The following PTPRK variants were observed in gnomAD, a reference collection of about 807,000 sequenced individuals.
PTPRK encodes protein tyrosine phosphatase receptor type K.
A neutral mutation model predicts 178.0 loss-of-function variants in PTPRK; 75 were observed. The ratio of observed to expected loss-of-function variants is 0.42; its 90% CI spans 0.35 to 0.51. The LOEUF (loss-of-function observed/expected upper bound fraction) is 0.51, where lower values mean the gene tolerates loss of function less well. Ranked by LOEUF, PTPRK falls within the 20% of genes least tolerant of loss-of-function variation. The pLI, the probability that PTPRK is intolerant of heterozygous loss-of-function variation, is 0.02. For missense variants in PTPRK, 1,441 were observed against 1,797.8 expected, an observed-to-expected ratio of 0.80 and a Z score of 3.59; for synonymous variants, 637 against 620.6, an observed-to-expected ratio of 1.03 and a Z score of -0.39.
chr6:128,462,131 AT>A (rs1412177233), intron 1 of PTPRK, among the ~76,000 whole-genome samples: 1 of 151,908 alleles, frequency 6.6e-6, no homozygotes, highest in African/African-American at 2.4e-5. Flanking sequence ...GCTTGGCTAG[AT>A]TTGTCAGTCT....
chr6:128,391,351 C>A (rs1239916589), intron 2 of PTPRK, among the ~76,000 whole-genome samples: 2 of 152,124 alleles, frequency 1.3e-5, no homozygotes, highest in Admixed American at 6.6e-5. Context: ...CATGTTCACA[C>A]ACACTCTCTT....
intron 1 of PTPRK, among the ~76,000 whole-genome samples, chr6:128,513,631 A>G (rs118104921): frequency 0.015 from 2,279 of 152,316 alleles, 26 homozygotes; most frequent in Non-Finnish European, 0.021. Context: ...TCATGTGACA[A>G]TCTTTTTAAA....
intron 7 of PTPRK, among the ~76,000 whole-genome samples, chr6:128,151,315 T>C (rs1040848158): frequency 2.0e-5 from 3 of 152,078 alleles, no homozygotes; most frequent in African/African-American, 7.2e-5. Flanking sequence ...TTTATGAATG[T>C]ATATTGCCAC....
intron 1 of PTPRK, among the ~76,000 whole-genome samples, chr6:128,514,881 A>G (rs1010438107): frequency 6.6e-6 from 1 of 152,234 alleles, no homozygotes; most frequent in African/African-American, 2.4e-5. Context: ...AGTTTTCATT[A>G]TTAAAATATT....
intron 1 of PTPRK, among the ~76,000 whole-genome samples, chr6:128,415,179 C>G (rs1436081272): frequency 6.6e-6 from 1 of 152,162 alleles, no homozygotes; most frequent in African/African-American, 2.4e-5. Flanking sequence ...AAAACACAGA[C>G]AGTCAAGAGC....
intron 2 of PTPRK, among the ~76,000 whole-genome samples, chr6:128,384,644 T>C (rs1838437349): frequency 6.6e-6 from 1 of 152,174 alleles, no homozygotes; most frequent in African/African-American, 2.4e-5. Context: ...ACAGATATTT[T>C]GAAAAGTTTA....
intron 1 of PTPRK, 41 bp downstream of exon 1, chr6:128,520,218 G>A: frequency 6.5e-7 from 1 of 1,532,580 alleles, no homozygotes. Context: ...CGTGAGCCCA[G>A]GACTCCAGGC....
chr6:128,225,688 CTA>C (rs1176625889), intron 5 of PTPRK, among the ~76,000 whole-genome samples: 1 of 151,704 alleles, frequency 6.6e-6, no homozygotes, highest in Non-Finnish European at 1.5e-5. Context: ...TTAAAAAATA[CTA>C]TGTTATTATT....
intron 7 of PTPRK, among the ~76,000 whole-genome samples, chr6:128,181,092 T>C (rs1461179925): frequency 2.0e-5 from 3 of 152,096 alleles, no homozygotes; most frequent in African/African-American, 7.2e-5. Context: ...ACTTCATATG[T>C]TGATTCTACA....
chr6:128,163,184 G>T (rs1243213434), intron 7 of PTPRK, among the ~76,000 whole-genome samples: 1 of 150,980 alleles, frequency 6.6e-6, no homozygotes, highest in African/African-American at 2.4e-5. Flanking sequence ...CATTCTCTTG[G>T]GTAGATTTAT....
At chr6:128,393,382 C>A (rs1254834154) in intron 2 of PTPRK, among the ~76,000 whole-genome samples, 6 of 152,222 alleles carry the variant, frequency 3.9e-5, no homozygotes, top group African/African-American at 1.4e-4. Flanking sequence ...AGCCACCACG[C>A]CCGGCTGTTC....
rs1456387930 is a variant in PTPRK, at chr6:128,439,740, AC to A, written c.101-42053del. On this transcript the variant is annotated intron_variant, in intron 1 of 29. Transcript: ENST00000368226. Reference sequence around the variant, plus strand: ...TGAAAATGCAGTTGCAAATAGATAGACTTCTAAACATCTGAATGGTTCCCAG... The same window carrying A: ...TGAAAATGCAGTTGCAAATAGATAGATTCTAAACATCTGAATGGTTCCCAG... Among the ~76,000 whole-genome samples, 5 of 152,322 alleles carry A rather than the reference AC, an allele frequency of 3.3e-5. 1 individual carries two copies. In the East Asian group the frequency reaches 9.6e-4, roughly 29 times the overall value.
chr6:128,503,511 G>A (rs1855862373), intron 1 of PTPRK, among the ~76,000 whole-genome samples: 1 of 152,140 alleles, frequency 6.6e-6, no homozygotes, highest in Admixed American at 6.5e-5. Flanking sequence ...CAGGGACTTA[G>A]TCAACTAAAT....
chr6:128,407,633 C>CAAAAAAAAA (rs56189580), intron 1 of PTPRK, among the ~76,000 whole-genome samples: 2 of 97,764 alleles, frequency 2.0e-5, no homozygotes, highest in African/African-American at 8.2e-5. Flanking sequence ...AAGACCCTAT[C>CAAAAAAAAA]AAAAAAAAAA....
chr6:128,165,512 C>T (rs1002734710), intron 7 of PTPRK, among the ~76,000 whole-genome samples: 36 of 151,144 alleles, frequency 2.4e-4, no homozygotes, highest in African/African-American at 8.2e-4. Context: ...TTTGGTAAGC[C>T]TGCATCCCTG....
At chr6:128,333,383 A>T (rs543836776) in intron 2 of PTPRK, among the ~76,000 whole-genome samples, 5 of 152,290 alleles carry the variant, frequency 3.3e-5, no homozygotes, top group African/African-American at 1.2e-4. Context: ...TAGTCACATT[A>T]TTTCTGAAGG....
chr6:128,201,219 A>G (rs1805886591), intron 6 of PTPRK, among the ~76,000 whole-genome samples: 1 of 152,228 alleles, frequency 6.6e-6, no homozygotes, highest in South Asian at 2.1e-4. Context: ...AAATTTTCTT[A>G]GCGCTACAAA....
At chr6:128,377,966 C>T (rs1035444672) in intron 2 of PTPRK, among the ~76,000 whole-genome samples, 2 of 152,058 alleles carry the variant, frequency 1.3e-5, no homozygotes, top group Non-Finnish European at 2.9e-5. Context: ...TGTTTCTTTG[C>T]TCTGCTTAAC....
chr6:128,322,018 C>G (rs1828867538), intron 3 of PTPRK, 21 bp downstream of exon 3: 1 of 1,613,632 alleles, frequency 6.2e-7, no homozygotes. Flanking sequence ...AAACATACAC[C>G]AGAAAAGTAC....
Sources: gnomAD v4.1 joint callset for allele counts (sites outside exome capture counted in the v4.1 genomes callset) on GRCh38, gnomAD v4.1.1 for gene constraint, MANE v1.5 for transcripts, NCBI Gene and HGNC (gene_info 2026-07-23, HGNC 2026-07-21) for gene names.